The following SFMBT2 variants were observed in gnomAD, a reference collection of about 807,000 sequenced individuals.
SFMBT2 encodes the protein scm-like with four MBT domains protein 2.
In SFMBT2, 38 loss-of-function variants were observed where a neutral mutation model predicts 110.1. The observed-to-expected ratio is 0.35, with a 90% CI of 0.27 to 0.45. The LOEUF (loss-of-function observed/expected upper bound fraction) is 0.45. SFMBT2 is among the 20% of genes least tolerant of loss of function. The pLI is 1.00. For missense variants in SFMBT2, 1,011 were observed against 1,094.9 expected (o/e 0.92, Z 1.08); for synonymous variants, 425 against 425.4 (o/e 1.00, Z 0.01).
rs556944786 is a variant in SFMBT2, at chr10:7,367,638, CAG to C, written c.436+9_436+10del. On this transcript the variant is annotated intron_variant, in intron 4 of 20. Transcript: ENST00000397167. The surrounding 1 kb of genome is among the most constrained non-coding windows in gnomAD (Gnocchi z 6.2). ...GGCTCGTAAATCGAAGCCTTTGAAACAGGGGCTCACCGTCCGGCGGCATCAAC... is the reference window on the plus strand; with the variant it reads ...GGCTCGTAAATCGAAGCCTTTGAAACGGGCTCACCGTCCGGCGGCATCAAC... 4.4e-4 allele frequency: 709 copies of C among 1,603,112 alleles called. 1 individual carries two copies. Among genetic ancestry groups the C allele is most frequent in the African/African-American group, 2.1e-3 (154 of 74,858 alleles).
intron 16 of SFMBT2, among the ~76,000 whole-genome samples, 155 bp downstream of exon 16, chr10:7,188,469 C>T (rs1242008888): frequency 6.6e-6 from 1 of 152,142 alleles, no homozygotes; most frequent in Non-Finnish European, 1.5e-5. Context: ...GCAAAAATGC[C>T]AAGAAATTTA....
At chr10:7,258,792 T>C (rs1841112689) in intron 7 of SFMBT2, among the ~76,000 whole-genome samples, 2 of 152,234 alleles carry the variant, frequency 1.3e-5, no homozygotes, top group Admixed American at 6.5e-5. Context: ...GAAAAACAGA[T>C]ATTAGGAGGC....
chr10:7,184,354 C>T (rs1465333413), intron 16 of SFMBT2, among the ~76,000 whole-genome samples: 2 of 152,144 alleles, frequency 1.3e-5, no homozygotes, highest in Non-Finnish European at 2.9e-5. Flanking sequence ...CTGATGGTTT[C>T]ATAAGGGGAA....
At chr10:7,177,925 T>C (rs1049951037) in intron 16 of SFMBT2, among the ~76,000 whole-genome samples, 1 of 151,330 alleles carries the variant, frequency 6.6e-6, no homozygotes, top group Admixed American at 6.6e-5. Flanking sequence ...GCACAGAGAC[T>C]AGACCATGTG....
chr10:7,220,140 T>C (rs1025578322), intron 11 of SFMBT2, among the ~76,000 whole-genome samples: 5 of 152,220 alleles, frequency 3.3e-5, no homozygotes, highest in Non-Finnish European at 7.3e-5. Context: ...ACATTTGCTT[T>C]TCTAATCATA....
chr10:7,388,798 A>G (rs1845690857), intron 1 of SFMBT2, among the ~76,000 whole-genome samples: 1 of 152,150 alleles, frequency 6.6e-6, no homozygotes, highest in African/African-American at 2.4e-5. Context: ...TGTTTGCTAC[A>G]GTAAGGGCCC....
chr10:7,200,096 A>G (rs1436575699), intron 14 of SFMBT2, among the ~76,000 whole-genome samples: 1 of 152,170 alleles, frequency 6.6e-6, no homozygotes, highest in Admixed American at 6.5e-5. Context: ...ATGAGATGAT[A>G]TTTTCAACTC....
chr10:7,226,754 T>A (rs1564393953), intron 10 of SFMBT2, among the ~76,000 whole-genome samples: 2 of 152,314 alleles, frequency 1.3e-5, no homozygotes, highest in South Asian at 2.1e-4. Context: ...GACGTTTCAG[T>A]CAATGATGAA....
At chr10:7,256,798 T>A (rs887885282) in intron 7 of SFMBT2, among the ~76,000 whole-genome samples, 2 of 152,074 alleles carry the variant, frequency 1.3e-5, no homozygotes, top group African/African-American at 4.8e-5. Context: ...ACAGGCACCA[T>A]CCTATGATGG....
In SFMBT2 at chr10:7,196,941, G is replaced by A. The variant is rs186634281; in HGVS notation, c.1698+607C>T. The stretch of plus-strand genomic sequence containing the variant: ...GATTCACCTGTCTCTGCAGGTCGTC[G>A]CCCGAAGGCAGCAGAAGAAATGGGG... On this transcript the variant is annotated intron_variant, in intron 15 of 20. Transcript: ENST00000397167. Among the ~76,000 whole-genome samples, 24 of 152,268 alleles carry A rather than the reference G, an allele frequency of 1.6e-4. No homozygotes were observed. In the East Asian group the frequency reaches 3.5e-3, roughly 22 times the overall value.
At chr10:7,382,361 G>C (rs774989917) in intron 1 of SFMBT2, among the ~76,000 whole-genome samples, 18 of 152,156 alleles carry the variant, frequency 1.2e-4, no homozygotes, top group African/African-American at 1.9e-4. Context: ...AGTGAGCTGA[G>C]ATCACACCAC....
At chr10:7,318,101 G>T (rs1843068587) in intron 4 of SFMBT2, among the ~76,000 whole-genome samples, 1 of 152,210 alleles carries the variant, frequency 6.6e-6, no homozygotes, top group Admixed American at 6.5e-5. Flanking sequence ...CACTGGAGCT[G>T]GTACTTGTAG....
intron 20 of SFMBT2, among the ~76,000 whole-genome samples, chr10:7,165,972 T>C (rs779775652): frequency 3.3e-5 from 5 of 152,212 alleles, no homozygotes; most frequent in African/African-American, 9.6e-5. Context: ...AATCCACATG[T>C]AATACATCAA....
In SFMBT2 at chr10:7,214,456, G is replaced by C. The variant is rs185688040; in HGVS notation, c.1330+5955C>G. On this transcript the variant is annotated intron_variant, in intron 11 of 20. Transcript: ENST00000397167. The stretch of plus-strand genomic sequence containing the variant: ...GTCAGATAAATGGGAAGATGCCACC[G>C]GACAATTGCAGAGTGACGCATTTCT... 101 of 652,758 alleles carry C rather than the reference G, an allele frequency of 1.5e-4. No individual in the cohort carries two copies. In the East Asian group the frequency reaches 0.012, roughly 74 times the overall value. 40.4% of individuals were successfully genotyped at this position (652,758 alleles called of 1,614,324 possible). A position where few individuals can be genotyped will look rare whatever the true frequency, so the allele number is the denominator to read the frequency against.
chr10:7,304,069 A>G (rs1842628800), intron 4 of SFMBT2, among the ~76,000 whole-genome samples: 1 of 152,166 alleles, frequency 6.6e-6, no homozygotes, highest in Admixed American at 6.5e-5. Flanking sequence ...CAGCACAGGG[A>G]GCAGAGAAAC....
At chr10:7,197,739 AG>A in intron 14 of SFMBT2, 52 bp from the exon 15 acceptor site, 1 of 1,597,658 alleles carries the variant, frequency 6.3e-7, no homozygotes, top group Non-Finnish European at 8.5e-7. Flanking sequence ...CCCAGACCCT[AG>A]GGGACCCCTA....
intron 1 of SFMBT2, among the ~76,000 whole-genome samples, chr10:7,391,053 T>A (rs971373737): frequency 1.1e-4 from 16 of 151,778 alleles, no homozygotes; most frequent in African/African-American, 3.9e-4. Context: ...TGAGCTGAGA[T>A]CGCACCATTG....
intron 4 of SFMBT2, among the ~76,000 whole-genome samples, chr10:7,340,952 A>G (rs1015150529): frequency 6.6e-6 from 1 of 152,166 alleles, no homozygotes; most frequent in South Asian, 2.1e-4. Context: ...CAGCTGAAAA[A>G]CAAAGCCCAT....
chr10:7,172,273 G>A lies in SFMBT2; in HGVS notation c.2152-115C>T. ...CACCTAGCAAACCCTCGGAAATGGA[G>A]CCAGTGGTCCCACCCGTGGGCCCTA... is the stretch of plus-strand genomic sequence containing the variant. On this transcript the variant is annotated intron_variant, in intron 18 of 20. Transcript: ENST00000397167. This position sits in a 1 kb window ranked among gnomAD's most constrained non-coding sequence, Gnocchi z 4.6. 1.4e-6 allele frequency: 2 copies of A among 1,457,550 alleles called. No individual in the cohort carries two copies. Among genetic ancestry groups the A allele is most frequent in the South Asian group, 2.9e-5 (2 of 69,996 alleles). The allele number at this position is 1,457,550 out of a possible 1,614,324, so 90.3% of individuals were successfully genotyped here. A position where few individuals can be genotyped will look rare whatever the true frequency, so the allele number is the denominator to read the frequency against.
Sources: gnomAD v4.1 joint callset for allele counts (sites outside exome capture counted in the v4.1 genomes callset) on GRCh38, gnomAD v4.1.1 for gene constraint, Gnocchi (gnomAD v3.1) non-coding constraint, MANE v1.5 for transcripts, NCBI Gene and HGNC (gene_info 2026-07-23, HGNC 2026-07-21) for gene names.